ITGBL1: variants seen among roughly 807,000 people sequenced by gnomAD.
ITGBL1 encodes integrin subunit beta like 1, also known as integrin beta-like protein 1.
A neutral mutation model predicts 68.5 loss-of-function variants in ITGBL1; 51 were observed. The observed-to-expected ratio is 0.74, with a 90% confidence interval of 0.59 to 0.94. The LOEUF (loss-of-function observed/expected upper bound fraction) is 0.94. Ranked by LOEUF, ITGBL1 falls within the 40% of genes least tolerant of loss-of-function variation. ITGBL1 has a pLI of 0.00. For missense variants in ITGBL1, 649 were observed against 647.4 expected, an observed-to-expected ratio of 1.00 and a Z score of -0.03; for synonymous variants, 209 against 227.3, an observed-to-expected ratio of 0.92 and a Z score of 0.72.
chr13:101,603,862 T>A (rs1299252863), intron 7 of ITGBL1, among the ~76,000 whole-genome samples: 1 of 151,936 alleles, frequency 6.6e-6, no homozygotes, highest in African/African-American at 2.4e-5. Context: ...GGTACAGTGA[T>A]TTTTACTGTT....
In ITGBL1 at chr13:101,678,849, G is replaced by C. The variant is rs371594887; in HGVS notation, c.1016-13736G>C. Among the ~76,000 whole-genome samples the C allele has an allele frequency of 3.3e-4, 50 of 152,062 alleles. No homozygotes were observed. In the East Asian group the frequency reaches 8.2e-3, roughly 25 times the overall value. ...AGTACCAAGAAGTTCAAAGTGACTA[G>C]AGCCTGATTCTACCCTACTCCTTTC... On this transcript the variant is annotated intron_variant, in intron 7 of 10. Coordinates refer to ENST00000376180, the MANE Select transcript of ITGBL1 (RefSeq NM_004791.3).
chr13:101,622,629 C>T (rs1566762179), intron 7 of ITGBL1, among the ~76,000 whole-genome samples: 1 of 152,096 alleles, frequency 6.6e-6, no homozygotes, highest in Non-Finnish European at 1.5e-5. Context: ...AAACATTTGA[C>T]TGAATAAAGA....
chr13:101,702,511 T>G (rs2034158613), intron 8 of ITGBL1, among the ~76,000 whole-genome samples: 1 of 152,186 alleles, frequency 6.6e-6, no homozygotes, highest in South Asian at 2.1e-4. Context: ...TTTCCAAGTA[T>G]TACTCTTGCT....
intron 7 of ITGBL1, among the ~76,000 whole-genome samples, chr13:101,687,085 T>A (rs1369829738): frequency 6.6e-6 from 1 of 152,052 alleles, no homozygotes; most frequent in Non-Finnish European, 1.5e-5. Flanking sequence ...GGTCAAAATG[T>A]TTAGGGTTTA....
At position 101,453,991 on chromosome 13, in the gene ITGBL1, C is replaced by G. The variant is rs751098712; in HGVS notation, c.207C>G (p.Cys69Trp). ...CGCTGTGCCACGGCCGGGGCCGCTG[C>G]GACTGCGGCGTCTGCATCTGCCACG... is the stretch of plus-strand genomic sequence containing the variant. ...GAALCHGRGR[C>W]DCGVCICHVT... Residue 69 changes from cysteine (C) to tryptophan (W), a missense_variant, in exon 2 of 11, where the codon TGC becomes TGG. Physicochemically the swap from Cys to Trp is radical, Grantham distance 215 (BLOSUM62 -2). Transcript: ENST00000376180. 1 of 1,554,164 alleles carries G rather than the reference C, an allele frequency of 6.4e-7. No homozygotes were observed. Among genetic ancestry groups the G allele is most frequent in the South Asian group, 1.2e-5 (1 of 83,334 alleles).
At chr13:101,468,220 G>C (rs1212166404) in intron 2 of ITGBL1, among the ~76,000 whole-genome samples, 7 of 152,192 alleles carry the variant, frequency 4.6e-5, no homozygotes, top group African/African-American at 7.2e-5. Context: ...TCTAAGAGCT[G>C]TCTTGACATG....
chr13:101,535,655 T>C (rs751602079), intron 2 of ITGBL1, among the ~76,000 whole-genome samples: 2 of 152,136 alleles, frequency 1.3e-5, no homozygotes, highest in Non-Finnish European at 2.9e-5. Flanking sequence ...ACTGAAAACA[T>C]GTTGAAGCTA....
intron 7 of ITGBL1, among the ~76,000 whole-genome samples, chr13:101,652,841 T>C (rs1247782963): frequency 6.6e-6 from 1 of 152,120 alleles, no homozygotes; most frequent in Non-Finnish European, 1.5e-5. Context: ...CTCGTGCCTG[T>C]AATCCCAGCA....
chr13:101,694,152 C>T (rs1200869769), intron 8 of ITGBL1, among the ~76,000 whole-genome samples: 1 of 152,162 alleles, frequency 6.6e-6, no homozygotes, highest in Non-Finnish European at 1.5e-5. Flanking sequence ...ACAGTTTTCC[C>T]TAGAGTGACA....
At chr13:101,687,346 CTA>C (rs1276803720) in intron 7 of ITGBL1, among the ~76,000 whole-genome samples, 3 of 151,792 alleles carry the variant, frequency 2.0e-5, no homozygotes, top group Non-Finnish European at 4.4e-5. Flanking sequence ...AAAATGTACT[CTA>C]AGGTGAAAAT....
chr13:101,534,329 A>C (rs2139167626), intron 2 of ITGBL1, among the ~76,000 whole-genome samples: 1 of 152,296 alleles, frequency 6.6e-6, no homozygotes, highest in African/African-American at 2.4e-5. Flanking sequence ...GAATTGAGAA[A>C]GGTTGCTTTC....
chr13:101,608,638 A>G (rs1472805530), intron 7 of ITGBL1, among the ~76,000 whole-genome samples: 2 of 152,062 alleles, frequency 1.3e-5, no homozygotes, highest in Admixed American at 1.3e-4. Flanking sequence ...TGTTTAGGTA[A>G]CAAGGGAACC....
intron 7 of ITGBL1, among the ~76,000 whole-genome samples, chr13:101,601,507 A>G (rs188573266): frequency 2.2e-3 from 333 of 152,016 alleles, no homozygotes; most frequent in Non-Finnish European, 2.9e-3. Context: ...TTGCTTCTCT[A>G]GTTCTTTTAA....
At chr13:101,622,911 A>AGGTG (rs2031637571) in intron 7 of ITGBL1, among the ~76,000 whole-genome samples, 1 of 114,988 alleles carries the variant, frequency 8.7e-6, no homozygotes, top group Non-Finnish European at 1.8e-5. Flanking sequence ...TGTGTGGGGT[A>AGGTG]TGTATGTGTG....
At chr13:101,522,865 A>T (rs941032478) in intron 2 of ITGBL1, among the ~76,000 whole-genome samples, 1 of 152,172 alleles carries the variant, frequency 6.6e-6, no homozygotes, top group African/African-American at 2.4e-5. Flanking sequence ...AGAGAGTAGG[A>T]ATGGAATAAA....
chr13:101,660,932 C>A (rs2033068912), intron 7 of ITGBL1, among the ~76,000 whole-genome samples: 1 of 152,104 alleles, frequency 6.6e-6, no homozygotes, highest in African/African-American at 2.4e-5. Context: ...AAATTTGTTA[C>A]CAAGGGGTGA....
downstream of ITGBL1, chr13:101,718,224 G>C (rs1341713980): frequency 6.6e-6 from 1 of 152,084 alleles, no homozygotes; most frequent in Non-Finnish European, 1.5e-5. Context: ...ATGTTTGTGT[G>C]TATGTGTGTG....
intron 2 of ITGBL1, among the ~76,000 whole-genome samples, chr13:101,506,245 C>T (rs1342907195): frequency 6.6e-6 from 1 of 152,050 alleles, no homozygotes; most frequent in Non-Finnish European, 1.5e-5. Context: ...GACAAAAGAC[C>T]AGGAGGCATA....
At chr13:101,496,478 CATG>C (rs1322304503) in intron 2 of ITGBL1, among the ~76,000 whole-genome samples, 2 of 152,126 alleles carry the variant, frequency 1.3e-5, no homozygotes, top group Non-Finnish European at 2.9e-5. Flanking sequence ...CTTGTGCTTG[CATG>C]ATAATTAGGC....
Sources: gnomAD v4.1 joint callset for allele counts (sites outside exome capture counted in the v4.1 genomes callset) on GRCh38, gnomAD v4.1.1 for gene constraint, MANE v1.5 for transcripts, NCBI Gene and HGNC (gene_info 2026-07-23, HGNC 2026-07-21) for gene names.